Variants in PPP3R1 observed in about 807,000 individuals in gnomAD.
PPP3R1 encodes the protein calcineurin subunit B type 1.
Under a neutral mutation model 22.6 loss-of-function variants are expected in PPP3R1, and 5 were observed. The ratio of observed to expected loss-of-function variants is 0.22; its 90% CI spans 0.12 to 0.46. The LOEUF (loss-of-function observed/expected upper bound fraction) is 0.46, where lower values mean the gene tolerates loss of function less well. Among genes scored for constraint, PPP3R1 ranks in the 20% least tolerant of loss-of-function variants. The pLI is 0.99. For synonymous variants in PPP3R1, 56 were observed against 65.2 expected (o/e 0.86, Z 0.68); for missense variants, 61 against 203.2 (o/e 0.30, Z 4.25).
Position 68,180,076 on chromosome 2 carries a change from T to C in PPP3R1, c.*887A>G, listed in dbSNP as rs999449763. On this transcript the variant is annotated 3_prime_UTR_variant, in exon 6 of 6. Coordinates refer to ENST00000234310, the MANE Select transcript of PPP3R1 (RefSeq NM_000945.4). ...TTCAGTAAGTGATACATACAATCAATCATGATTGCCTCAGACAGCTTCTGG... is the reference window on the plus strand; with the variant it reads ...TTCAGTAAGTGATACATACAATCAACCATGATTGCCTCAGACAGCTTCTGG... 1 of 152,208 alleles carries C rather than the reference T, an allele frequency of 6.6e-6. No individual in the cohort carries two copies. Among genetic ancestry groups the C allele is most frequent in the African/African-American group, 2.4e-5 (1 of 41,460 alleles). 9.4% of individuals were successfully genotyped at this position (152,208 alleles called of 1,614,324 possible). A position where few individuals can be genotyped will look rare whatever the true frequency, so the allele number is the denominator to read the frequency against.
intron 2 of PPP3R1, among the ~76,000 whole-genome samples, chr2:68,195,267 T>C (rs1674744372): frequency 6.6e-6 from 1 of 152,162 alleles, no homozygotes; most frequent in African/African-American, 2.4e-5. Flanking sequence ...GATCCAGTAT[T>C]TTGTAAAACT....
At chr2:68,194,151 C>T (rs1002878512) in intron 2 of PPP3R1, among the ~76,000 whole-genome samples, 1 of 152,054 alleles carries the variant, frequency 6.6e-6, no homozygotes, top group Admixed American at 6.6e-5. Context: ...ATCTTCAAGT[C>T]ATATACTGTT....
At chr2:68,198,606 T>G (rs1205420947) in intron 2 of PPP3R1, among the ~76,000 whole-genome samples, 2 of 152,002 alleles carry the variant, frequency 1.3e-5, no homozygotes, top group East Asian at 1.9e-4. Context: ...TGGTAAATCT[T>G]TAAATCGAGG....
chr2:68,242,117 G>C (rs1670148344), intron 1 of PPP3R1, among the ~76,000 whole-genome samples: 1 of 152,112 alleles, frequency 6.6e-6, no homozygotes, highest in South Asian at 2.1e-4. Context: ...AAACATCACT[G>C]AACTGTGGTG....
At chr2:68,209,655 G>A (rs1258438463) in intron 2 of PPP3R1, among the ~76,000 whole-genome samples, 2 of 151,960 alleles carry the variant, frequency 1.3e-5, no homozygotes, top group African/African-American at 2.4e-5. Context: ...CTACTCCAGA[G>A]GCTGAGGTAG....
intron 2 of PPP3R1, among the ~76,000 whole-genome samples, chr2:68,203,590 A>T (rs960312485): frequency 1.7e-4 from 24 of 137,406 alleles, no homozygotes; most frequent in South Asian, 2.6e-4. Context: ...AACAAGAAAG[A>T]AACTCTGTCT....
chr2:68,216,877 AAAG>A (rs1669588894), intron 2 of PPP3R1, among the ~76,000 whole-genome samples: 1 of 151,692 alleles, frequency 6.6e-6, no homozygotes, highest in Non-Finnish European at 1.5e-5. Flanking sequence ...TATGAGTAAT[AAAG>A]AAGTCTATTT....
chr2:68,236,628 G>A (rs1367445094), intron 1 of PPP3R1, among the ~76,000 whole-genome samples: 1 of 152,160 alleles, frequency 6.6e-6, no homozygotes, highest in African/African-American at 2.4e-5. Context: ...AACATCAGAA[G>A]CCAGATACAG....
At chr2:68,220,107 A>T (rs898697270) in intron 1 of PPP3R1, among the ~76,000 whole-genome samples, 8 of 152,218 alleles carry the variant, frequency 5.3e-5, no homozygotes, top group African/African-American at 1.9e-4. Context: ...AGAAAACAAA[A>T]GAGGTAAAGC....
chr2:68,240,141 C>A (rs977915711), intron 1 of PPP3R1, among the ~76,000 whole-genome samples: 1 of 152,044 alleles, frequency 6.6e-6, no homozygotes, highest in Non-Finnish European at 1.5e-5. Context: ...AGTCAAGGAG[C>A]ATTTGTAATT....
In PPP3R1 at chr2:68,182,071, ACC is replaced by A. The variant is rs200145582; in HGVS notation, c.466-1063_466-1062del. Among the ~76,000 whole-genome samples, 37 of 38,634 alleles carry A rather than the reference ACC, an allele frequency of 9.6e-4. 1 individual carries two copies. The highest frequency in any genetic ancestry group is 6.2e-3 in the Admixed American group (23 of 3,692). 25.3% of individuals were successfully genotyped at this position (38,634 alleles called of 152,430 possible). Reference sequence around the variant, plus strand: ...GTCACCAGACATCTCCCCTCCTCCAACCCCCCCCTCCCCCCACCACACACACA... The same window carrying A: ...GTCACCAGACATCTCCCCTCCTCCAACCCCCCTCCCCCCACCACACACACA... On this transcript the variant is annotated intron_variant, in intron 5 of 5. Transcript: ENST00000234310.
chr2:68,218,102 G>T (rs974759975), intron 1 of PPP3R1, among the ~76,000 whole-genome samples: 1 of 152,108 alleles, frequency 6.6e-6, no homozygotes, highest in Non-Finnish European at 1.5e-5. Flanking sequence ...GTGGTAAATT[G>T]AATACGAAGC....
chr2:68,191,009 TGGTC>T (rs1469122023), intron 2 of PPP3R1, among the ~76,000 whole-genome samples: 1 of 152,246 alleles, frequency 6.6e-6, no homozygotes, highest in Admixed American at 6.5e-5. Context: ...ATAATTTGAA[TGGTC>T]TACTCTATCC....
chr2:68,179,032 C>T lies in PPP3R1; in HGVS notation c.*1931G>A, dbSNP rs1468902352. On this transcript the variant is annotated 3_prime_UTR_variant, in exon 6 of 6. Coordinates refer to ENST00000234310, the MANE Select transcript of PPP3R1 (RefSeq NM_000945.4). ...AAAAAAAAAAGAAAAAGAAAAAACC[C>T]TCATTCCCCGGTAAGGAAATAATGT... is the stretch of plus-strand genomic sequence containing the variant. 7.9e-6 allele frequency: 1 copy of T among 125,992 alleles called. No individual in the cohort carries two copies. The highest frequency in any genetic ancestry group is 2.9e-5 in the African/African-American group (1 of 34,194). 7.8% of individuals were successfully genotyped at this position (125,992 alleles called of 1,614,324 possible). A position where few individuals can be genotyped will look rare whatever the true frequency, so the allele number is the denominator to read the frequency against.
chr2:68,198,974 ATTTT>A (rs200647184), intron 2 of PPP3R1, among the ~76,000 whole-genome samples: 2,681 of 150,378 alleles, frequency 0.018, 85 homozygotes, highest in African/African-American at 0.061. Flanking sequence ...TTGTATTATT[ATTTT>A]TTTAAGATGG....
chr2:68,193,715 G>C (rs1674713205), intron 2 of PPP3R1, among the ~76,000 whole-genome samples: 1 of 152,014 alleles, frequency 6.6e-6, no homozygotes, highest in Admixed American at 6.5e-5. Context: ...GTATGAAACA[G>C]AGTTTTAATT....
At chr2:68,190,254 TTAAAAAAAAAAA>T (rs1357047259) in intron 2 of PPP3R1, among the ~76,000 whole-genome samples, 63 of 85,520 alleles carry the variant, frequency 7.4e-4, no homozygotes, top group Non-Finnish European at 4.2e-4. Context: ...CAAGTTTCTC[TTAAAAAAAAAAA>T]AAAAAAAAAA....
intron 1 of PPP3R1, among the ~76,000 whole-genome samples, chr2:68,221,741 A>C (rs1572968298): frequency 6.6e-6 from 1 of 152,070 alleles, no homozygotes; most frequent in South Asian, 2.1e-4. Flanking sequence ...ATATAATCAG[A>C]GGGGAAAAAA....
intron 1 of PPP3R1, among the ~76,000 whole-genome samples, chr2:68,251,647 A>G (rs1290072514): frequency 8.4e-6 from 1 of 118,784 alleles, no homozygotes; most frequent in Admixed American, 8.5e-5. Context: ...GCAGCTCTGG[A>G]GAGTAAGTGG....
Sources: gnomAD v4.1 joint callset for allele counts (sites outside exome capture counted in the v4.1 genomes callset) on GRCh38, gnomAD v4.1.1 for gene constraint, MANE v1.5 for transcripts, NCBI Gene and HGNC (gene_info 2026-07-23, HGNC 2026-07-21) for gene names.